The following UGT1A10 variants were observed in gnomAD, a reference collection of about 807,000 sequenced individuals.
The protein encoded by UGT1A10 is UDP glucuronosyltransferase family 1 member A10.
In UGT1A10, 49 loss-of-function variants were observed where a neutral mutation model predicts 45.8. The ratio of observed to expected loss-of-function variants is 1.07; its 90% CI spans 0.85 to 1.36. The LOEUF (loss-of-function observed/expected upper bound fraction) is 1.36, where lower values mean the gene tolerates loss of function less well. Ranked by LOEUF, UGT1A10 falls within the 40% of genes most tolerant of loss-of-function variation. The pLI, the probability that UGT1A10 is intolerant of heterozygous loss-of-function variation, is 0.00. For missense variants in UGT1A10, 745 were observed against 668.6 expected, an observed-to-expected ratio of 1.11 and a Z score of -1.26; for synonymous variants, 284 against 249.7, an observed-to-expected ratio of 1.14 and a Z score of -1.29.
intron 1 of UGT1A10, chr2:233,747,077 TAGG>T: frequency 9.2e-7 from 1 of 1,083,878 alleles, no homozygotes; most frequent in South Asian, 1.6e-5. Context: ...AATAATTAAC[TAGG>T]AGGAGAGCAC....
intron 1 of UGT1A10, among the ~76,000 whole-genome samples, chr2:233,704,424 T>C (rs536183058): frequency 6.6e-6 from 1 of 152,286 alleles, no homozygotes; most frequent in South Asian, 2.1e-4. Flanking sequence ...CCAACTTAAT[T>C]CCAGTTAAAT....
At position 233,713,670 on chromosome 2, in the gene UGT1A10, G is replaced by T. The variant is rs200994534; in HGVS notation, c.856-53364G>T. On this transcript the variant is annotated intron_variant, in intron 1 of 4. Transcript: ENST00000344644. ...GGCCCTGTCCTACCTTTGCCATGCT[G>T]TTTCTGCTCCTTATGCAAGCCTTGC... 1.7e-4 allele frequency: 280 copies of T among 1,613,946 alleles called. 1 individual carries two copies. The highest frequency in any genetic ancestry group is 2.1e-4 in the Non-Finnish European group (247 of 1,179,872).
chr2:233,725,124 C>T (rs1317308405), intron 1 of UGT1A10, among the ~76,000 whole-genome samples: 3 of 137,634 alleles, frequency 2.2e-5, no homozygotes, highest in Admixed American at 7.2e-5. Context: ...TGCAGTGAGC[C>T]GAGATGGCAG....
chr2:233,699,823 C>G (rs1272695507), intron 1 of UGT1A10, among the ~76,000 whole-genome samples: 1 of 152,170 alleles, frequency 6.6e-6, no homozygotes, highest in Non-Finnish European at 1.5e-5. Context: ...TAGTAGTTCT[C>G]AAATAGAACT....
In UGT1A10 at chr2:233,651,339, A is replaced by C. The variant is rs184928239; in HGVS notation, c.855+13962A>C. Reference sequence around the variant, plus strand: ...GATACGGAAAGCTATGTGTGATTTTATATCACCTATCATGTTAAGATATGT... The same window carrying C: ...GATACGGAAAGCTATGTGTGATTTTCTATCACCTATCATGTTAAGATATGT... On this transcript the variant is annotated intron_variant, in intron 1 of 4. Coordinates refer to ENST00000344644, the MANE Select transcript of UGT1A10 (RefSeq NM_019075.4). Among the ~76,000 whole-genome samples, 9 of 152,294 alleles carry C rather than the reference A, an allele frequency of 5.9e-5. No homozygotes were observed. The East Asian group carries it at 1.7e-3, about 29-fold the overall frequency.
At chr2:233,669,759 A>G (rs2125498563) in intron 1 of UGT1A10, among the ~76,000 whole-genome samples, 2 of 152,190 alleles carry the variant, frequency 1.3e-5, no homozygotes, top group Middle Eastern at 3.4e-3. Flanking sequence ...TCTCAGCTCA[A>G]TGCAACCTCC....
intron 1 of UGT1A10, among the ~76,000 whole-genome samples, chr2:233,732,241 G>T (rs2078253316): frequency 6.6e-6 from 1 of 152,170 alleles, no homozygotes; most frequent in South Asian, 2.1e-4. Context: ...TCTGTAGGTT[G>T]CCTGTTCACT....
chr2:233,731,467 G>C (rs1024241459), intron 1 of UGT1A10, among the ~76,000 whole-genome samples: 1 of 152,074 alleles, frequency 6.6e-6, no homozygotes, highest in Admixed American at 6.5e-5. Context: ...CCTGGCGTGT[G>C]ATGTTCCCTG....
chr2:233,693,696 A>C, intron 1 of UGT1A10: 1 of 1,614,222 alleles, frequency 6.2e-7, no homozygotes, highest in Non-Finnish European at 8.5e-7. Context: ...AAGTATGAAG[A>C]ACTCGCATCA....
At position 233,739,969 on chromosome 2, in the gene UGT1A10, C is replaced by T. The variant is rs1048693209; in HGVS notation, c.856-27065C>T. Among the ~76,000 whole-genome samples, 3 of 151,864 alleles carry T rather than the reference C, an allele frequency of 2.0e-5. No homozygotes were observed. In the East Asian group the frequency reaches 5.8e-4, roughly 29 times the overall value. ...CTGGTGGGAGCTGATTGAATCATAT[C>T]GGCAGTTTTCCCCATGCTGTTCTTG... On this transcript the variant is annotated intron_variant, in intron 1 of 4. Coordinates refer to ENST00000344644, the MANE Select transcript of UGT1A10 (RefSeq NM_019075.4).
At chr2:233,646,110 C>A (rs140014513) in intron 1 of UGT1A10, among the ~76,000 whole-genome samples, 1 of 152,214 alleles carries the variant, frequency 6.6e-6, no homozygotes, top group Non-Finnish European at 1.5e-5. Context: ...TGCCAAGGCT[C>A]GGCACTTGCA....
chr2:233,747,386 G>C, intron 1 of UGT1A10: 1 of 1,605,212 alleles, frequency 6.2e-7, no homozygotes, highest in Middle Eastern at 1.7e-4. Context: ...GCCACCAGGC[G>C]GTGGTCCTCA....
At chr2:233,735,813 T>C (rs1312279736) in intron 1 of UGT1A10, among the ~76,000 whole-genome samples, 1 of 152,232 alleles carries the variant, frequency 6.6e-6, no homozygotes, top group Non-Finnish European at 1.5e-5. Flanking sequence ...AAAATTCTTT[T>C]CTTTAAGAAT....
chr2:233,660,538 G>A (rs927121042), intron 1 of UGT1A10, among the ~76,000 whole-genome samples: 3 of 152,112 alleles, frequency 2.0e-5, no homozygotes, highest in African/African-American at 7.2e-5. Flanking sequence ...TGTTGTACTG[G>A]CCTTCTTGTT....
At chr2:233,761,114 G>A (rs570314042) in intron 1 of UGT1A10, 1 of 1,614,204 alleles carries the variant, frequency 6.2e-7, no homozygotes, top group South Asian at 1.1e-5. Context: ...GTTTTTGTTG[G>A]TGGAATCAAC....
chr2:233,647,875 T>A (rs1465554139), intron 1 of UGT1A10: 10 of 1,433,084 alleles, frequency 7.0e-6, no homozygotes, highest in Non-Finnish European at 9.5e-6. Flanking sequence ...CTATTTCCTA[T>A]TTCATTGATT....
chr2:233,727,434 G>A (rs2077616452), intron 1 of UGT1A10, among the ~76,000 whole-genome samples: 1 of 152,122 alleles, frequency 6.6e-6, no homozygotes, highest in African/African-American at 2.4e-5. Context: ...TCCCAGACAT[G>A]TGACAAGAAA....
intron 1 of UGT1A10, chr2:233,693,771 G>T: frequency 6.2e-7 from 1 of 1,614,156 alleles, no homozygotes; most frequent in Middle Eastern, 1.6e-4. Context: ...TGGCTGTTAA[G>T]ATATGACTTT....
intron 1 of UGT1A10, among the ~76,000 whole-genome samples, chr2:233,657,602 C>A (rs904015734): frequency 2.0e-5 from 3 of 152,216 alleles, no homozygotes; most frequent in African/African-American, 7.2e-5. Context: ...TAAGCCCCAC[C>A]TCCAACATTA....
Sources: gnomAD v4.1 joint callset for allele counts (sites outside exome capture counted in the v4.1 genomes callset) on GRCh38, gnomAD v4.1.1 for gene constraint, MANE v1.5 for transcripts, NCBI Gene and HGNC (gene_info 2026-07-23, HGNC 2026-07-21) for gene names.